GHR: variants seen among roughly 807,000 people sequenced by gnomAD.
The protein encoded by GHR is growth hormone receptor.
GHR carries 35 observed loss-of-function variants against 67.1 expected under a neutral mutation model. That is an observed-to-expected ratio of 0.52 (90% CI 0.40 to 0.69). The LOEUF is 0.69. Among genes scored for constraint, GHR ranks in the 30% least tolerant of loss-of-function variants. The pLI is 0.00. For missense variants in GHR, 792 were observed against 764.6 expected, an observed-to-expected ratio of 1.04 and a Z score of -0.42; for synonymous variants, 272 against 269.1, an observed-to-expected ratio of 1.01 and a Z score of -0.10.
intron 3 of GHR, among the ~76,000 whole-genome samples, chr5:42,673,423 AGTACATT>A (rs1756416488): frequency 6.6e-6 from 1 of 152,166 alleles, no homozygotes; most frequent in African/African-American, 2.4e-5. Context: ...TCCAAAAGAA[AGTACATT>A]GTTTCTTTTG....
intron 3 of GHR, among the ~76,000 whole-genome samples, chr5:42,678,107 C>T (rs1317331522): frequency 6.6e-6 from 1 of 152,124 alleles, no homozygotes; most frequent in Non-Finnish European, 1.5e-5. Context: ...AACCCTGTGA[C>T]ATACCATTAT....
intron 6 of GHR, among the ~76,000 whole-genome samples, chr5:42,709,183 G>C (rs924660202): frequency 6.6e-6 from 1 of 152,126 alleles, no homozygotes; most frequent in African/African-American, 2.4e-5. Context: ...CCCCAGGCTA[G>C]AGTACAGTGG....
intron 1 of GHR, among the ~76,000 whole-genome samples, chr5:42,485,093 G>C (rs138217182): frequency 6.6e-6 from 1 of 152,148 alleles, no homozygotes; most frequent in Non-Finnish European, 1.5e-5. Flanking sequence ...ACCCTGTCAA[G>C]TTTACCCATT....
Position 42,620,779 on chromosome 5 carries a change from A to C in GHR, c.71-8259A>C, listed in dbSNP as rs1002847026. On this transcript the variant is annotated intron_variant, in intron 2 of 9. Coordinates refer to ENST00000230882, the MANE Select transcript of GHR (RefSeq NM_000163.5). Reference sequence around the variant, plus strand: ...TCCAGCACGCTACCTATGAGTCACCAGCTGAGCTCCAGACTTAATTAAATC... The same window carrying C: ...TCCAGCACGCTACCTATGAGTCACCCGCTGAGCTCCAGACTTAATTAAATC... Among the ~76,000 whole-genome samples the C allele has an allele frequency of 3.7e-4, 56 of 152,186 alleles. 1 individual carries two copies. The highest frequency in any genetic ancestry group is 7.9e-4 in the Admixed American group (12 of 15,264).
chr5:42,490,007 G>A (rs1242243414), intron 1 of GHR, among the ~76,000 whole-genome samples: 1 of 151,948 alleles, frequency 6.6e-6, no homozygotes, highest in Non-Finnish European at 1.5e-5. Flanking sequence ...ATTTTCATAA[G>A]AGATATCTCA....
At chr5:42,613,638 A>G (rs1752992728) in intron 2 of GHR, among the ~76,000 whole-genome samples, 1 of 152,166 alleles carries the variant, frequency 6.6e-6, no homozygotes, top group Non-Finnish European at 1.5e-5. Context: ...AAGAGGCTTA[A>G]GAACAGCTAT....
intron 1 of GHR, among the ~76,000 whole-genome samples, chr5:42,500,793 C>T (rs1196572299): frequency 1.3e-5 from 2 of 152,140 alleles, no homozygotes; most frequent in Non-Finnish European, 2.9e-5. Context: ...TTTTGTTTGC[C>T]TGCATGAAAC....
chr5:42,628,121 AT>A (rs1400311646), intron 2 of GHR, among the ~76,000 whole-genome samples: 1 of 152,014 alleles, frequency 6.6e-6, no homozygotes, highest in Non-Finnish European at 1.5e-5. Context: ...CTGCCGCATC[AT>A]TTCACCATCT....
chr5:42,624,256 C>A (rs1270129641), intron 2 of GHR, among the ~76,000 whole-genome samples: 1 of 152,106 alleles, frequency 6.6e-6, no homozygotes, highest in Non-Finnish European at 1.5e-5. Context: ...GGCCAGGGCT[C>A]CCCAAGCATT....
intron 3 of GHR, among the ~76,000 whole-genome samples, chr5:42,674,937 A>G (rs1756498234): frequency 1.3e-5 from 2 of 152,142 alleles, no homozygotes; most frequent in Admixed American, 1.3e-4. Context: ...TGCTTTCCCC[A>G]GTAGCTATAC....
At chr5:42,447,553 T>A (rs776351868) in intron 1 of GHR, among the ~76,000 whole-genome samples, 19 of 152,200 alleles carry the variant, frequency 1.2e-4, no homozygotes, top group Non-Finnish European at 8.8e-5. Context: ...TTGTTCCATA[T>A]TTTTGCAATG....
intron 2 of GHR, among the ~76,000 whole-genome samples, chr5:42,623,600 C>G (rs1189875523): frequency 6.6e-6 from 1 of 152,242 alleles, no homozygotes; most frequent in South Asian, 2.1e-4. Context: ...AATTTAGCAC[C>G]TGTCTCAAGG....
chr5:42,637,946 GT>G (rs1754282842), intron 3 of GHR, among the ~76,000 whole-genome samples: 3 of 152,114 alleles, frequency 2.0e-5, no homozygotes, highest in African/African-American at 7.2e-5. Context: ...TTGTTTGTTT[GT>G]TTGTTTGTTT....
At chr5:42,680,852 TA>T (rs1178372328) in intron 3 of GHR, among the ~76,000 whole-genome samples, 25 of 44,744 alleles carry the variant, frequency 5.6e-4, no homozygotes, top group African/African-American at 1.7e-3. Flanking sequence ...CTATTATTAT[TA>T]TTTTTTTTTA....
chr5:42,665,791 A>G (rs1269282213), intron 3 of GHR, among the ~76,000 whole-genome samples: 2 of 152,144 alleles, frequency 1.3e-5, no homozygotes, highest in Non-Finnish European at 2.9e-5. Context: ...ATGGACTCAC[A>G]GTTCCACATG....
intron 3 of GHR, among the ~76,000 whole-genome samples, chr5:42,674,834 C>T (rs1756493036): frequency 6.6e-6 from 1 of 152,066 alleles, no homozygotes; most frequent in Non-Finnish European, 1.5e-5. Flanking sequence ...TTTGTGTGAT[C>T]ATATGTGTTT....
Position 42,664,325 on chromosome 5 carries a change from A to G in GHR, c.137-24565A>G, listed in dbSNP as rs1755832982. 4.6e-5 allele frequency among the ~76,000 whole-genome samples: 7 copies of G among 152,250 alleles called. No individual in the cohort carries two copies. The South Asian group carries it at 1.0e-3, about 23-fold the overall frequency. Reference sequence around the variant, plus strand: ...AAAAGAGCAAAGCTGGAGGCATCACACTACCTGACTTCAAACAATACTACA... The same window carrying G: ...AAAAGAGCAAAGCTGGAGGCATCACGCTACCTGACTTCAAACAATACTACA... On this transcript the variant is annotated intron_variant, in intron 3 of 9. Coordinates refer to ENST00000230882, the MANE Select transcript of GHR (RefSeq NM_000163.5).
chr5:42,586,985 C>T (rs982421017), intron 2 of GHR, among the ~76,000 whole-genome samples: 13 of 150,876 alleles, frequency 8.6e-5, no homozygotes, highest in East Asian at 7.8e-4. Context: ...AGGTCAGTCT[C>T]ACCATTTTTA....
chr5:42,464,055 CAA>C (rs71608649), intron 1 of GHR, among the ~76,000 whole-genome samples: 5 of 123,810 alleles, frequency 4.0e-5, no homozygotes, highest in African/African-American at 5.9e-5. Context: ...TTGATATTAC[CAA>C]AAAAAAAAAA....
Sources: gnomAD v4.1 joint callset for allele counts (sites outside exome capture counted in the v4.1 genomes callset) on GRCh38, gnomAD v4.1.1 for gene constraint, MANE v1.5 for transcripts, NCBI Gene and HGNC (gene_info 2026-07-23, HGNC 2026-07-21) for gene names.